BTF3: variants seen among roughly 807,000 people sequenced by gnomAD.
The protein encoded by BTF3 is basic transcription factor 3, also known as transcription factor BTF3.
A neutral mutation model predicts 23.9 loss-of-function variants in BTF3; 12 were observed. The ratio of observed to expected loss-of-function variants is 0.50; its 90% CI spans 0.32 to 0.81. The LOEUF (loss-of-function observed/expected upper bound fraction) is 0.81, where lower values mean the gene tolerates loss of function less well. Among genes scored for constraint, BTF3 ranks in the 40% least tolerant of loss-of-function variants. BTF3 has a pLI of 0.03. For synonymous variants in BTF3, 96 were observed against 94.8 expected, an observed-to-expected ratio of 1.01 and a Z score of -0.07; for missense variants, 215 against 255.9, an observed-to-expected ratio of 0.84 and a Z score of 1.09.
Position 73,498,607 on chromosome 5 carries a change from G to GAGACGAGGGTTGGAGACACAT in BTF3, c.-61_-60insAGACGAGGGTTGGAGACACAT. 4.9e-6 allele frequency: 7 copies of GAGACGAGGGTTGGAGACACAT among 1,423,696 alleles called. No homozygotes were observed. The highest frequency in any genetic ancestry group is 6.5e-5 in the Admixed American group (2 of 30,890). The allele number at this position is 1,423,696 out of a possible 1,614,324, so 88.2% of individuals were successfully genotyped here. On this transcript the variant is annotated 5_prime_UTR_variant, in exon 1 of 6. Coordinates refer to ENST00000380591, the MANE Select transcript of BTF3 (RefSeq NM_001037637.2). ...GCGTGGTAGGAGGACGGGAGCGGGG[G>GAGACGAGGGTTGGAGACACAT]CGGGAAGTTCCCTGAAGGAGCGAGA...
intron 4 of BTF3, among the ~76,000 whole-genome samples, chr5:73,503,789 A>G (rs11954393): frequency 0.21 from 31,811 of 152,180 alleles, 6,119 homozygotes; most frequent in East Asian, 0.53. Context: ...CAGAGCTGAA[A>G]TAGGCTTTTG....
At chr5:73,504,188 T>C (rs73103673) in intron 4 of BTF3, among the ~76,000 whole-genome samples, 159 bp from the exon 5 acceptor site, 3,100 of 151,822 alleles carry the variant, frequency 0.02, 108 homozygotes, top group African/African-American at 0.07. Context: ...TATCATGTTA[T>C]TGATAGTATC....
chr5:73,502,660 A>G (rs1446616487), intron 3 of BTF3, 59 bp downstream of exon 3: 4 of 1,192,076 alleles, frequency 3.4e-6, no homozygotes, highest in Non-Finnish European at 4.6e-6. Context: ...AGTTAACGTT[A>G]ATGCATTAAA....
intron 3 of BTF3, 88 bp from the exon 4 acceptor site, chr5:73,502,828 A>T: frequency 1.5e-6 from 2 of 1,347,288 alleles, no homozygotes; most frequent in Non-Finnish European, 2.1e-6. Context: ...ACAGTGAAAT[A>T]CTAGTTAGCC....
At chr5:73,502,855 A>T (rs543410706) in intron 3 of BTF3, 61 bp from the exon 4 acceptor site, 1 of 1,534,780 alleles carries the variant, frequency 6.5e-7, no homozygotes, top group East Asian at 2.3e-5. Flanking sequence ...AGTTTAATAA[A>T]ACATTTGTTT....
Position 73,505,217 on chromosome 5 carries a change from T to C in BTF3, c.600T>C (p.Ala200=). 1.2e-6 allele frequency: 2 copies of C among 1,609,930 alleles called. No individual in the cohort carries two copies. The highest frequency in any genetic ancestry group is 1.7e-6 in the Non-Finnish European group (2 of 1,179,364). The change falls in exon 6 of 6, where the codon GCT becomes GCC. Residue 200 remains alanine (A), a synonymous_variant. Coordinates refer to ENST00000380591, the MANE Select transcript of BTF3 (RefSeq NM_001037637.2). The part of the protein sequence containing the change: ...VPDLVENFDE[A]SKNEAN ...ATCTTGTGGAGAATTTTGATGAGGC[T>C]TCCAAGAATGAGGCAAACTGAATTG...
intron 2 of BTF3, among the ~76,000 whole-genome samples, chr5:73,500,141 G>A (rs1746401319): frequency 1.3e-5 from 2 of 152,100 alleles, no homozygotes; most frequent in African/African-American, 4.8e-5. Context: ...CTTTGCCAGC[G>A]GTGAATTTAT....
At position 73,504,974 on chromosome 5, in the gene BTF3, C is replaced by A. The variant is rs540797146; in HGVS notation, c.575-218C>A. 1.3e-5 allele frequency: 6 copies of A among 465,244 alleles called. No individual in the cohort carries two copies. In the South Asian group the frequency reaches 1.8e-4, roughly 14 times the overall value. The allele number at this position is 465,244 out of a possible 1,614,324, so 28.8% of individuals were successfully genotyped here. A position where few individuals can be genotyped will look rare whatever the true frequency, so the allele number is the denominator to read the frequency against. ...TTTTAACATTGTGTGTCATTGTATT[C>A]TTTGGTTCTGCTCCCCCACTATTGA... On this transcript the variant is annotated intron_variant, in intron 5 of 5. Transcript: ENST00000380591.
intron 2 of BTF3, 101 bp from the exon 3 acceptor site, chr5:73,502,387 C>T (rs1746457871): frequency 4.7e-6 from 4 of 856,762 alleles, no homozygotes; most frequent in South Asian, 2.0e-5. Context: ...TGTTCTTATA[C>T]AGATCCAAAG....
At chr5:73,498,867 C>G in intron 1 of BTF3, 68 bp downstream of exon 1, 1 of 1,489,464 alleles carries the variant, frequency 6.7e-7, no homozygotes, top group Non-Finnish European at 8.8e-7. Flanking sequence ...CAGGCCAGGG[C>G]CAGGGGTGGG....
intron 1 of BTF3, 144 bp downstream of exon 1, chr5:73,498,943 G>C (rs1254236977): frequency 7.5e-7 from 1 of 1,334,050 alleles, no homozygotes; most frequent in Non-Finnish European, 1.0e-6. Context: ...AGCTGTGGGG[G>C]AGTGGTGGGG....
Position 73,504,764 on chromosome 5 carries a change from G to GAT in BTF3, c.574+370_574+371dup, listed in dbSNP as rs531381719. ...GTGTGGAGTTGTTCAGGTATCTTGG[G>GAT]ATATATATATGCATTCTAAAATCTG... On this transcript the variant is annotated intron_variant, in intron 5 of 5. Transcript: ENST00000380591. 6 of 212,254 alleles carry GAT rather than the reference G, an allele frequency of 2.8e-5. 1 individual carries two copies. In the South Asian group the frequency reaches 3.2e-4, roughly 11 times the overall value. The allele number at this position is 212,254 out of a possible 1,614,324, so 13.1% of individuals were successfully genotyped here. A position where few individuals can be genotyped will look rare whatever the true frequency, so the allele number is the denominator to read the frequency against.
intron 2 of BTF3, among the ~76,000 whole-genome samples, chr5:73,500,214 C>T (rs2111957441): frequency 6.6e-6 from 1 of 152,264 alleles, no homozygotes; most frequent in South Asian, 2.1e-4. Flanking sequence ...CACACCCACA[C>T]ATTTAACAAC....
At chr5:73,504,507 GGACATA>G in intron 5 of BTF3, 104 bp downstream of exon 5, 2 of 800,864 alleles carry the variant, frequency 2.5e-6, no homozygotes, top group Non-Finnish European at 4.0e-6. Flanking sequence ...AAGTTAAGAT[GGACATA>G]GATCTTACTT....
Position 73,503,126 on chromosome 5 carries a change from C to T in BTF3, c.517+9C>T. 2 of 1,611,570 alleles carry T rather than the reference C, an allele frequency of 1.2e-6. No individual in the cohort carries two copies. Among genetic ancestry groups the T allele is most frequent in the Non-Finnish European group, 8.5e-7 (1 of 1,178,390 alleles). On this transcript the variant is annotated intron_variant, in intron 4 of 5. Coordinates refer to ENST00000380591, the MANE Select transcript of BTF3 (RefSeq NM_001037637.2). ...AGCTCTGCCCAAACAATGTGAGTTT[C>T]CTAGTAATGGTTTTACCAGGGAATT...
In BTF3 at chr5:73,502,954, T is replaced by C. The variant is rs111757484; in HGVS notation, c.354T>C (p.Phe118=). 1.9e-5 allele frequency: 31 copies of C among 1,612,978 alleles called. No homozygotes were observed. Among genetic ancestry groups the C allele is most frequent in the African/African-American group, 1.6e-4 (12 of 75,012 alleles). The stretch of plus-strand genomic sequence containing the variant: ...CAAACCAAGGAACAGTGATCCACTT[T>C]AACAACCCTAAAGTTCAGGCATCTC... ...MFTNQGTVIH[F]NNPKVQASLA... The change falls in exon 4 of 6, where the codon TTT becomes TTC. Residue 118 remains phenylalanine, a synonymous_variant. Transcript: ENST00000380591.
At position 73,498,499 on chromosome 5, in the gene BTF3, C is replaced by A; in HGVS notation, c.-169C>A. ...GTGCGCCTAATCTCAGGTGGTCCAC[C>A]CGAGACCCCTTGAGCACCAACCCTA... On this transcript the variant is annotated 5_prime_UTR_variant, in exon 1 of 6. Coordinates refer to ENST00000380591, the MANE Select transcript of BTF3 (RefSeq NM_001037637.2). 1 of 1,001,342 alleles carries A rather than the reference C, an allele frequency of 1.0e-6. No homozygotes were observed. Among genetic ancestry groups the A allele is most frequent in the Non-Finnish European group, 1.3e-6 (1 of 742,238 alleles). 62.0% of individuals were successfully genotyped at this position (1,001,342 alleles called of 1,614,324 possible). A position where few individuals can be genotyped will look rare whatever the true frequency, so the allele number is the denominator to read the frequency against.
In BTF3 at chr5:73,503,118, G is replaced by A; in HGVS notation, c.517+1G>A. On this transcript the variant is annotated splice_donor_variant, in intron 4 of 5. Coordinates refer to ENST00000380591, the MANE Select transcript of BTF3 (RefSeq NM_001037637.2). LOFTEE classifies it high-confidence loss of function. ...CTGGCCGAAGCTCTGCCCAAACAAT[G>A]TGAGTTTCCTAGTAATGGTTTTACC... 1 of 1,612,592 alleles carries A rather than the reference G, an allele frequency of 6.2e-7. No individual in the cohort carries two copies. Among genetic ancestry groups the A allele is most frequent in the Non-Finnish European group, 8.5e-7 (1 of 1,179,064 alleles).
At chr5:73,503,863 G>A (rs138364972) in intron 4 of BTF3, among the ~76,000 whole-genome samples, 328 of 152,238 alleles carry the variant, frequency 2.2e-3, no homozygotes, top group African/African-American at 7.3e-3. Flanking sequence ...TCATATTCTT[G>A]TGTGATAAAG....
Sources: allele counts gnomAD v4.1 joint callset (sites outside exome capture counted in the v4.1 genomes callset), GRCh38; gene constraint gnomAD v4.1.1; transcripts MANE v1.5; gene names NCBI Gene and HGNC (gene_info 2026-07-23, HGNC 2026-07-21).